ERBB4: variants seen among roughly 807,000 people sequenced by gnomAD.
ERBB4 encodes the protein receptor tyrosine-protein kinase erbB-4.
A neutral mutation model predicts 158.0 loss-of-function variants in ERBB4; 42 were observed. The ratio of observed to expected loss-of-function variants is 0.27; its 90% CI spans 0.21 to 0.34. The LOEUF is 0.34. Ranked by LOEUF, ERBB4 falls within the 10% of genes least tolerant of loss-of-function variation. The probability of loss-of-function intolerance (pLI) is 1.00; values close to 1 mark genes in which losing one functional copy is unlikely to be tolerated. For missense variants in ERBB4, 1,333 were observed against 1,624.1 expected, an observed-to-expected ratio of 0.82 and a Z score of 3.08; for synonymous variants, 583 against 558.7, an observed-to-expected ratio of 1.04 and a Z score of -0.61.
chr2:211,882,361 C>T (rs1194480335), intron 3 of ERBB4, among the ~76,000 whole-genome samples: 2 of 152,034 alleles, frequency 1.3e-5, no homozygotes, highest in Non-Finnish European at 2.9e-5. Context: ...GGAGCTTATG[C>T]TGAGAATGAA....
chr2:211,729,590 G>T (rs1219007634), intron 5 of ERBB4, among the ~76,000 whole-genome samples: 1 of 151,638 alleles, frequency 6.6e-6, no homozygotes, highest in Non-Finnish European at 1.5e-5. Context: ...CAAGACAAGT[G>T]GAAAGGCACC....
chr2:212,030,005 C>T (rs1038401232), intron 2 of ERBB4, among the ~76,000 whole-genome samples: 5 of 152,122 alleles, frequency 3.3e-5, no homozygotes, highest in Non-Finnish European at 7.3e-5. Flanking sequence ...GCATACCAGG[C>T]TGTGACTATT....
chr2:212,016,978 G>C (rs1353551783), intron 2 of ERBB4, among the ~76,000 whole-genome samples: 1 of 152,026 alleles, frequency 6.6e-6, no homozygotes, highest in East Asian at 1.9e-4. Context: ...AACATCAAAT[G>C]ATTATACTCA....
At chr2:211,741,412 A>G (rs1295902071) in intron 5 of ERBB4, among the ~76,000 whole-genome samples, 2 of 151,154 alleles carry the variant, frequency 1.3e-5, no homozygotes, top group Non-Finnish European at 2.9e-5. Flanking sequence ...CTCTCAATCT[A>G]TATCTGTATC....
chr2:212,033,579 T>A (rs753114884), intron 2 of ERBB4, among the ~76,000 whole-genome samples: 11 of 151,872 alleles, frequency 7.2e-5, no homozygotes, highest in Non-Finnish European at 1.5e-4. Context: ...GTAACTGTAT[T>A]TTTAAAATAA....
chr2:211,901,972 ATGTTC>A (rs1033420175), intron 3 of ERBB4, among the ~76,000 whole-genome samples: 6 of 151,992 alleles, frequency 3.9e-5, no homozygotes, highest in African/African-American at 1.4e-4. Flanking sequence ...TACCACTTTT[ATGTTC>A]TGTTATTTGT....
At chr2:212,395,826 C>T (rs2091009309) in intron 1 of ERBB4, among the ~76,000 whole-genome samples, 1 of 151,974 alleles carries the variant, frequency 6.6e-6, no homozygotes, top group African/African-American at 2.4e-5. Flanking sequence ...ACCATGTTGG[C>T]CAGGATGGTC....
At chr2:211,466,703 A>G (rs956538081) in intron 20 of ERBB4, among the ~76,000 whole-genome samples, 1 of 152,176 alleles carries the variant, frequency 6.6e-6, no homozygotes, top group Non-Finnish European at 1.5e-5. Flanking sequence ...GAAAAGTGCT[A>G]TGGTTTACAG....
intron 1 of ERBB4, among the ~76,000 whole-genome samples, chr2:212,273,076 G>A (rs1243637472): frequency 6.6e-6 from 1 of 151,662 alleles, no homozygotes; most frequent in Non-Finnish European, 1.5e-5. Flanking sequence ...TTACGACTTT[G>A]AGTATGTGGA....
intron 1 of ERBB4, among the ~76,000 whole-genome samples, chr2:212,535,165 A>T (rs1469527191): frequency 6.6e-6 from 1 of 152,290 alleles, no homozygotes. Context: ...AGCGATTTGC[A>T]GTTATACTAA....
At chr2:212,225,219 A>C (rs1185183752) in intron 1 of ERBB4, among the ~76,000 whole-genome samples, 1 of 152,116 alleles carries the variant, frequency 6.6e-6, no homozygotes, top group Non-Finnish European at 1.5e-5. Flanking sequence ...TTCTGTTAAT[A>C]AATCCAACTA....
intron 20 of ERBB4, among the ~76,000 whole-genome samples, chr2:211,457,440 A>G (rs2064410813): frequency 6.6e-6 from 1 of 152,194 alleles, no homozygotes; most frequent in East Asian, 1.9e-4. Context: ...AGAAGCAATC[A>G]TGTTTATTAT....
chr2:212,463,895 A>T (rs756276081), intron 1 of ERBB4, among the ~76,000 whole-genome samples: 1 of 152,138 alleles, frequency 6.6e-6, no homozygotes, highest in Non-Finnish European at 1.5e-5. Flanking sequence ...TATTAAAGAG[A>T]AATAAAAGGA....
chr2:212,003,465 T>C lies in ERBB4; in HGVS notation c.235-55849A>G, dbSNP rs534058214. Among the ~76,000 whole-genome samples the C allele has an allele frequency of 9.2e-5, 14 of 151,878 alleles. No homozygotes were observed. The South Asian group carries it at 2.9e-3, about 32-fold the overall frequency. ...ATACAGAGAACACAAGGCAGGAGAA[T>C]AGTGTCTGGAGCCAGGGAACCTAAC... On this transcript the variant is annotated intron_variant, in intron 2 of 27. Transcript: ENST00000342788.
intron 1 of ERBB4, among the ~76,000 whole-genome samples, chr2:212,438,984 G>T (rs745461302): frequency 2.0e-5 from 3 of 152,104 alleles, no homozygotes; most frequent in Non-Finnish European, 4.4e-5. Flanking sequence ...GACATGGTGC[G>T]TTTTACAATA....
At position 211,570,547 on chromosome 2, in the gene ERBB4, T is replaced by C. The variant is rs16846489; in HGVS notation, c.2302-8459A>G. On this transcript the variant is annotated intron_variant, in intron 19 of 27. Coordinates refer to ENST00000342788, the MANE Select transcript of ERBB4 (RefSeq NM_005235.3). The stretch of plus-strand genomic sequence containing the variant: ...TCTGGGCAGGGAAAAAAAAAAGCTT[T>C]CTACCTTTCTTAATATCTACTCTGT... Among the ~76,000 whole-genome samples the C allele has an allele frequency of 7.6e-3, 1,149 of 152,094 alleles. 15 individuals carry two copies. Among genetic ancestry groups the C allele is most frequent in the East Asian group, 0.044 (230 of 5,172 alleles).
intron 20 of ERBB4, among the ~76,000 whole-genome samples, chr2:211,472,321 A>C (rs1278200986): frequency 6.7e-6 from 1 of 148,900 alleles, no homozygotes; most frequent in Non-Finnish European, 1.5e-5. Context: ...ATTATATTAA[A>C]TATAATATTT....
intron 1 of ERBB4, among the ~76,000 whole-genome samples, chr2:212,188,184 G>GTCTCGGTCTCTCTC (rs2082071996): frequency 4.9e-5 from 1 of 20,490 alleles, no homozygotes; most frequent in Non-Finnish European, 1.1e-4. Context: ...ATACCTTCAG[G>GTCTCGGTCTCTCTC]TCTCTCTCTC....
chr2:212,305,179 G>A (rs533380206), intron 1 of ERBB4, among the ~76,000 whole-genome samples: 1 of 151,042 alleles, frequency 6.6e-6, no homozygotes, highest in African/African-American at 2.4e-5. Context: ...CTTGATTTTT[G>A]TACATTTAGC....
Sources: gnomAD v4.1 joint callset for allele counts (sites outside exome capture counted in the v4.1 genomes callset) on GRCh38, gnomAD v4.1.1 for gene constraint, MANE v1.5 for transcripts, NCBI Gene and HGNC (gene_info 2026-07-23, HGNC 2026-07-21) for gene names.